HFM1: variants seen among roughly 807,000 people sequenced by gnomAD.
HFM1 encodes probable ATP-dependent DNA helicase HFM1.
A neutral mutation model predicts 192.1 loss-of-function variants in HFM1; 169 were observed. The observed-to-expected ratio is 0.88, with a 90% CI of 0.78 to 1.00. The LOEUF is 1.00. HFM1 is among the 50% of genes least tolerant of loss of function. HFM1 has a pLI of 0.00. For missense variants in HFM1, 1,661 were observed against 1,668.0 expected, an observed-to-expected ratio of 1.00 and a Z score of 0.07; for synonymous variants, 525 against 537.8, an observed-to-expected ratio of 0.98 and a Z score of 0.33.
intron 20 of HFM1, chr1:91,329,104 C>T (rs191587432): frequency 1.9e-6 from 3 of 1,610,008 alleles, no homozygotes; most frequent in Non-Finnish European, 1.7e-6. Flanking sequence ...AGTATTGGGC[C>T]CAAGCGGGCT....
At chr1:91,289,271 G>C (rs1280701599) in intron 30 of HFM1, among the ~76,000 whole-genome samples, 1 of 150,604 alleles carries the variant, frequency 6.6e-6, no homozygotes, top group Non-Finnish European at 1.5e-5. Flanking sequence ...ACGGGGCGGC[G>C]GGGCAGAGGC....
At chr1:91,386,168 A>G (rs1174596419) in intron 4 of HFM1, among the ~76,000 whole-genome samples, 1 of 152,180 alleles carries the variant, frequency 6.6e-6, no homozygotes, top group Non-Finnish European at 1.5e-5. Context: ...GCAGAAGTGT[A>G]AATGTTTGAC....
intron 19 of HFM1, among the ~76,000 whole-genome samples, chr1:91,346,573 T>C (rs1036954319): frequency 6.6e-6 from 1 of 152,246 alleles, no homozygotes; most frequent in East Asian, 1.9e-4. Flanking sequence ...TAAATTTAAA[T>C]TGGCTAAATA....
intron 34 of HFM1, among the ~76,000 whole-genome samples, chr1:91,271,368 A>T (rs1342691101): frequency 5.9e-5 from 9 of 152,180 alleles, no homozygotes; most frequent in Admixed American, 5.2e-4. Flanking sequence ...GCCTTGATTT[A>T]GCCAGAATTA....
chr1:91,341,650 T>C (rs1167214882), intron 20 of HFM1, among the ~76,000 whole-genome samples: 2 of 151,920 alleles, frequency 1.3e-5, no homozygotes, highest in Admixed American at 6.6e-5. Flanking sequence ...AACCAGATAT[T>C]GGTTCTTTGA....
intron 30 of HFM1, among the ~76,000 whole-genome samples, chr1:91,289,955 C>T (rs1312901966): frequency 6.6e-6 from 1 of 152,104 alleles, no homozygotes; most frequent in African/African-American, 2.4e-5. Flanking sequence ...AACTAAGCTT[C>T]ATAAGTGAAG....
chr1:91,352,437 C>A, intron 16 of HFM1, 69 bp downstream of exon 16: 2 of 1,220,574 alleles, frequency 1.6e-6, no homozygotes, highest in Non-Finnish European at 2.3e-6. Context: ...ACATGCTAAT[C>A]AAAAAATACA....
At chr1:91,269,663 T>G (rs1344665809) in intron 34 of HFM1, among the ~76,000 whole-genome samples, 2 of 152,142 alleles carry the variant, frequency 1.3e-5, no homozygotes, top group Non-Finnish European at 2.9e-5. Flanking sequence ...AAGGAGGATC[T>G]AAACCTGCAA....
intron 30 of HFM1, among the ~76,000 whole-genome samples, chr1:91,277,378 C>T (rs980946936): frequency 6.6e-6 from 1 of 150,776 alleles, no homozygotes; most frequent in Admixed American, 6.7e-5. Context: ...TACCACCATG[C>T]CTGGTAATTT....
chr1:91,407,211 G>A (rs923749961), upstream of HFM1, among the ~76,000 whole-genome samples: 6 of 152,024 alleles, frequency 3.9e-5, no homozygotes, highest in Non-Finnish European at 7.4e-5. Flanking sequence ...CCGTTGGGGG[G>A]TGAGGGGCTG....
At chr1:91,347,585 A>C (rs1656310830) in intron 18 of HFM1, 109 bp from the exon 19 acceptor site, 1 of 542,990 alleles carries the variant, frequency 1.8e-6, no homozygotes, top group Non-Finnish European at 3.2e-6. Context: ...ATAAGAAAAA[A>C]AAATCTCAGC....
chr1:91,389,878 A>G (rs1662723254), intron 4 of HFM1, among the ~76,000 whole-genome samples: 1 of 152,214 alleles, frequency 6.6e-6, no homozygotes, highest in Non-Finnish European at 1.5e-5. Flanking sequence ...ATGGGACTAT[A>G]AAGTGACGCA....
Position 91,313,952 on chromosome 1 carries a change from C to G in HFM1, c.3244+5G>C. 6.7e-7 allele frequency: 1 copy of G among 1,491,952 alleles called. No homozygotes were observed. Among genetic ancestry groups the G allele is most frequent in the Non-Finnish European group, 9.3e-7 (1 of 1,079,344 alleles). 92.4% of individuals were successfully genotyped at this position (1,491,952 alleles called of 1,614,324 possible). ...TTCATGTCTTCATTACTTCAATTAA[C>G]TTACCAAATTCAGAACTTATTAGAT... On this transcript the variant is annotated splice_donor_5th_base_variant and intron_variant, in intron 29 of 38. Transcript: ENST00000370425.
At chr1:91,372,514 A>C (rs1660367282) in intron 13 of HFM1, among the ~76,000 whole-genome samples, 2 of 152,154 alleles carry the variant, frequency 1.3e-5, no homozygotes, top group Non-Finnish European at 2.9e-5. Flanking sequence ...ACATGTTCTC[A>C]TTCATAGGTG....
At chr1:91,407,270 T>C (rs933390263), upstream of HFM1, among the ~76,000 whole-genome samples, 28 of 151,948 alleles carry the variant, frequency 1.8e-4, no homozygotes, top group African/African-American at 6.3e-4. Flanking sequence ...GACGAGTTGA[T>C]GGGTGCAGCA....
Position 91,351,637 on chromosome 1 carries a change from T to C in HFM1, c.1984A>G (p.Thr662Ala), listed in dbSNP as rs750210407. 1.3e-6 allele frequency: 2 copies of C among 1,581,102 alleles called. No individual in the cohort carries two copies. The highest frequency in any genetic ancestry group is 2.3e-5 in the East Asian group (1 of 44,106). The change falls in exon 17 of 39, where the codon ACT (threonine) becomes GCT (alanine). Residue 662 changes from threonine (T) to alanine (A), a missense_variant. Thr to Ala is a moderately conservative substitution (Grantham distance 58). Transcript: ENST00000370425. ...IGRAGRPQFD[T>A]TATAVIMTRL... The stretch of plus-strand genomic sequence containing the variant: ...GTCATGATAACTGCAGTAGCTGTAG[T>C]GTCAAACTGGGGAGAAAACAAACAG...
At chr1:91,397,187 G>A (rs9324372) in intron 2 of HFM1, among the ~76,000 whole-genome samples, 9 of 152,026 alleles carry the variant, frequency 5.9e-5, no homozygotes, top group African/African-American at 1.5e-4. Context: ...TGTCCTAACC[G>A]AAATATTCTT....
At chr1:91,327,322 C>G (rs1043563263) in intron 20 of HFM1, among the ~76,000 whole-genome samples, 2 of 152,118 alleles carry the variant, frequency 1.3e-5, no homozygotes, top group Non-Finnish European at 2.9e-5. Flanking sequence ...TTGAGACAAG[C>G]GTGAGCAACA....
chr1:91,349,589 G>A (rs1018728952), intron 18 of HFM1, among the ~76,000 whole-genome samples: 5 of 152,182 alleles, frequency 3.3e-5, no homozygotes, highest in Middle Eastern at 3.2e-3. Flanking sequence ...GCCAACAACT[G>A]TGAGAAACTG....
Sources: gnomAD v4.1 joint callset for allele counts (sites outside exome capture counted in the v4.1 genomes callset) on GRCh38, gnomAD v4.1.1 for gene constraint, MANE v1.5 for transcripts, NCBI Gene and HGNC (gene_info 2026-07-23, HGNC 2026-07-21) for gene names.